The following TG variants were observed in gnomAD, a reference collection of about 807,000 sequenced individuals.
TG encodes thyroid hormones.
A neutral mutation model predicts 324.7 loss-of-function variants in TG; 270 were observed. The ratio of observed to expected loss-of-function variants is 0.83; its 90% CI spans 0.75 to 0.92. TG has a LOEUF of 0.92. Among genes scored for constraint, TG ranks in the 40% least tolerant of loss-of-function variants. The pLI, the probability that TG is intolerant of heterozygous loss-of-function variation, is 0.00. For synonymous variants in TG, 1,401 were observed against 1,327.0 expected (o/e 1.06, Z -1.21); for missense variants, 3,591 against 3,456.4 (o/e 1.04, Z -0.98).
At chr8:132,929,305 T>G in intron 23 of TG, 113 bp downstream of exon 23, 1 of 825,682 alleles carries the variant, frequency 1.2e-6, no homozygotes, top group Non-Finnish European at 2.0e-6. Context: ...AAAAACATAC[T>G]TTATCAAAAA....
intron 26 of TG, among the ~76,000 whole-genome samples, chr8:132,944,688 C>T (rs188999098): frequency 6.6e-6 from 1 of 152,310 alleles, no homozygotes; most frequent in African/African-American, 2.4e-5. Flanking sequence ...CTGTTTCCAC[C>T]TCCTCCTCTC....
At chr8:132,940,163 G>A (rs566278448) in intron 25 of TG, among the ~76,000 whole-genome samples, 205 of 152,210 alleles carry the variant, frequency 1.3e-3, no homozygotes, top group Middle Eastern at 3.4e-3. Flanking sequence ...TCTCTATGAC[G>A]TCCAGCTGTG....
intron 40 of TG, among the ~76,000 whole-genome samples, chr8:133,024,880 T>G (rs1468573331): frequency 2.0e-5 from 3 of 151,352 alleles, no homozygotes; most frequent in Non-Finnish European, 4.4e-5. Flanking sequence ...TAAGTGTGCA[T>G]GTGTCTTTAT....
chr8:132,908,701 T>TG (rs1819056196), intron 18 of TG, among the ~76,000 whole-genome samples: 1 of 152,126 alleles, frequency 6.6e-6, no homozygotes, highest in Non-Finnish European at 1.5e-5. Flanking sequence ...CTTTGCTCTT[T>TG]GGGGAGATGA....
rs151314518 is a variant in TG at position 133,133,279 on chromosome 8, G to T, written c.7998-191G>T. 9.6e-4 allele frequency: 638 copies of T among 667,904 alleles called. 2 individuals carry two copies. The African/African-American group carries it at 9.8e-3, about 10-fold the overall frequency. The allele number at this position is 667,904 out of a possible 1,614,324, so 41.4% of individuals were successfully genotyped here. On this transcript the variant is annotated intron_variant, in intron 46 of 47. Transcript: ENST00000220616. ...CCTCACCCAGAAATGGCCTAGCTTT[G>T]CAGTGCTAGCTTTGCAGTGCAGTCA...
In TG at chr8:132,972,659, T is replaced by C. The variant is rs763331797; in HGVS notation, c.6117T>C (p.Asn2039=). The C allele has an allele frequency of 1.9e-6, 3 of 1,611,106 alleles. No individual in the cohort carries two copies. Among genetic ancestry groups the C allele is most frequent in the Non-Finnish European group, 2.5e-6 (3 of 1,179,304 alleles). Residue 2039 remains asparagine, a synonymous_variant, in exon 34 of 48, where the codon AAT becomes AAC. Coordinates refer to ENST00000220616, the MANE Select transcript of TG (RefSeq NM_003235.5). ...GAATTCAGATGTGCAGTGAGGAGAA[T>C]GGAGGAGCCTGGCGCATTTTGGACT... ...SLGIQMCSEE[N]GGAWRILDCG...
intron 15 of TG, 107 bp downstream of exon 15, chr8:132,900,446 G>C: frequency 3.8e-6 from 4 of 1,048,388 alleles, no homozygotes. Context: ...TTCCATAGCT[G>C]TGGGGGCACA....
intron 35 of TG, among the ~76,000 whole-genome samples, chr8:132,987,195 A>C (rs74591804): frequency 0.014 from 2,170 of 152,354 alleles, 26 homozygotes; most frequent in Non-Finnish European, 0.024. Flanking sequence ...TATGATTTAA[A>C]AGCATAGAAA....
chr8:133,134,689 C>T lies in TG; in HGVS notation c.8202C>T (p.Gly2734=), dbSNP rs142157473. 4.7e-4 allele frequency: 762 copies of T among 1,613,912 alleles called. No homozygotes were observed. The highest frequency in any genetic ancestry group is 5.9e-4 in the Non-Finnish European group (693 of 1,179,874). ...SLKTSADGAK[G]GQSAESEEEE... is the part of the protein sequence containing the mutation. ...CCTCTGTTTCAGATGGAGCCAAGGG[C>T]GGGCAGTCAGCAGAGAGTGAAGAGG... The change falls in exon 48 of 48, where the codon GGC becomes GGT. Residue 2734 remains glycine, a synonymous_variant. Transcript: ENST00000220616.
chr8:133,116,864 CTGT>C (rs1564208107), intron 45 of TG, 148 bp downstream of exon 45: 1 of 728,472 alleles, frequency 1.4e-6, no homozygotes, highest in Admixed American at 2.1e-5. Context: ...CTTCATCTCA[CTGT>C]CTTGCAGGCG....
chr8:132,893,807 C>A lies in TG; in HGVS notation c.2879C>A (p.Ala960Asp). 1 of 1,614,016 alleles carries A rather than the reference C, an allele frequency of 6.2e-7. No homozygotes were observed. The highest frequency in any genetic ancestry group is 8.5e-7 in the Non-Finnish European group (1 of 1,179,932). ...RFPLGESFLVAKGIRLRNEDL... is the reference protein window; with the variant it reads ...RFPLGESFLVDKGIRLRNEDL... ...CCTCTGGGGGAGAGTTTCCTGGTGGCCAAGGGAATCCGGCTGAGGAATGAG... is the reference window on the plus strand; with the variant it reads ...CCTCTGGGGGAGAGTTTCCTGGTGGACAAGGGAATCCGGCTGAGGAATGAG... The change falls in exon 11 of 48, where the codon GCC becomes GAC. Residue 960 changes from alanine (A) to aspartate (D), a missense_variant. Transcript: ENST00000220616.
chr8:132,977,968 G>C (rs561562278), intron 34 of TG, among the ~76,000 whole-genome samples: 12 of 152,326 alleles, frequency 7.9e-5, no homozygotes, highest in African/African-American at 2.4e-4. Context: ...TCTGGCTAAG[G>C]AGACAGATGT....
chr8:133,065,691 G>A (rs1842936559), intron 41 of TG, among the ~76,000 whole-genome samples: 1 of 152,082 alleles, frequency 6.6e-6, no homozygotes, highest in African/African-American at 2.4e-5. Flanking sequence ...GAACCCAGTG[G>A]GCGGAGGTGG....
intron 41 of TG, chr8:133,049,688 C>T: frequency 1.8e-6 from 1 of 556,510 alleles, no homozygotes; most frequent in East Asian, 3.1e-5. Flanking sequence ...CAACTTCCTT[C>T]ATTTTACTGA....
intron 41 of TG, chr8:133,076,850 G>A (rs1844963162): frequency 6.6e-6 from 1 of 151,742 alleles, no homozygotes; most frequent in Non-Finnish European, 1.5e-5. Context: ...ATGGCGACTT[G>A]GTGCAAAGTG....
intron 26 of TG, among the ~76,000 whole-genome samples, chr8:132,946,071 C>T: frequency 2.1e-5 from 1 of 47,258 alleles, no homozygotes; most frequent in African/African-American, 4.6e-5. Flanking sequence ...CACACACACA[C>T]ACCCTATATT....
chr8:132,981,403 C>T (rs139740919), intron 34 of TG, among the ~76,000 whole-genome samples: 4 of 152,264 alleles, frequency 2.6e-5, no homozygotes, highest in East Asian at 1.9e-4. Context: ...AGGGTGTGGA[C>T]GTTTGAATGC....
chr8:133,045,237 C>T, intron 41 of TG: 1 of 962,432 alleles, frequency 1.0e-6, no homozygotes. Context: ...AACAGTGATG[C>T]TAGGATGCAG....
intron 25 of TG, among the ~76,000 whole-genome samples, chr8:132,940,966 C>T (rs939085373): frequency 4.6e-5 from 7 of 152,172 alleles, no homozygotes; most frequent in East Asian, 1.9e-4. Flanking sequence ...CAGAGCAAGG[C>T]GGTGAAAATC....
Sources: gnomAD v4.1 joint callset for allele counts (sites outside exome capture counted in the v4.1 genomes callset) on GRCh38, gnomAD v4.1.1 for gene constraint, MANE v1.5 for transcripts, NCBI Gene and HGNC (gene_info 2026-07-23, HGNC 2026-07-21) for gene names.